The following MARCHF1 variants were observed in gnomAD, a reference collection of about 807,000 sequenced individuals.
MARCHF1 encodes the protein membrane associated ring-CH-type finger 1.
MARCHF1 carries 40 observed loss-of-function variants against 54.2 expected under a neutral mutation model. That is an observed-to-expected ratio of 0.74 (90% confidence interval 0.57 to 0.96). MARCHF1 has a LOEUF of 0.96. Ranked by LOEUF, MARCHF1 falls within the 40% of genes least tolerant of loss-of-function variation. The pLI is 0.00. For synonymous variants in MARCHF1, 236 were observed against 236.3 expected (o/e 1.00, Z 0.01); for missense variants, 586 against 656.5 (o/e 0.89, Z 1.17).
intron 1 of MARCHF1, among the ~76,000 whole-genome samples, chr4:164,150,876 A>G (rs547211413): frequency 6.6e-6 from 1 of 152,304 alleles, no homozygotes; most frequent in South Asian, 2.1e-4. Flanking sequence ...ATGGTTGTTA[A>G]TCAGCTGGTA....
At chr4:163,823,495 T>G (rs1748757660) in intron 4 of MARCHF1, among the ~76,000 whole-genome samples, 1 of 151,846 alleles carries the variant, frequency 6.6e-6, no homozygotes, top group Admixed American at 6.6e-5. Context: ...AGGTATGTAT[T>G]AGAATATTAG....
At chr4:163,912,928 C>A (rs1343900741) in intron 3 of MARCHF1, among the ~76,000 whole-genome samples, 1 of 152,140 alleles carries the variant, frequency 6.6e-6, no homozygotes, top group Non-Finnish European at 1.5e-5. Context: ...TCTTGTAAAG[C>A]AAGTTGCACA....
At chr4:164,000,064 C>T (rs1169125609) in intron 2 of MARCHF1, among the ~76,000 whole-genome samples, 1 of 151,550 alleles carries the variant, frequency 6.6e-6, no homozygotes, top group Non-Finnish European at 1.5e-5. Context: ...TGCTGCAAAG[C>T]CAAGCAGGCA....
At chr4:164,318,583 T>C (rs1292019263) in intron 1 of MARCHF1, among the ~76,000 whole-genome samples, 2 of 152,168 alleles carry the variant, frequency 1.3e-5, no homozygotes, top group African/African-American at 4.8e-5. Flanking sequence ...ACAGAAGCAA[T>C]TGCTTTGAGT....
intron 2 of MARCHF1, among the ~76,000 whole-genome samples, chr4:164,086,526 A>C (rs563622512): frequency 6.6e-6 from 1 of 152,112 alleles, no homozygotes; most frequent in Admixed American, 6.5e-5. Context: ...GAACATTATT[A>C]ACTGTGTATT....
chr4:163,776,255 A>G (rs1333953300), intron 4 of MARCHF1, among the ~76,000 whole-genome samples: 1 of 152,064 alleles, frequency 6.6e-6, no homozygotes, highest in Non-Finnish European at 1.5e-5. Flanking sequence ...TCAATTAGTT[A>G]CTAAGTTTCA....
At chr4:164,087,909 A>G (rs1457213770) in intron 2 of MARCHF1, among the ~76,000 whole-genome samples, 2 of 152,142 alleles carry the variant, frequency 1.3e-5, no homozygotes, top group African/African-American at 4.8e-5. Context: ...CATCACTTCA[A>G]TAATTTCAGA....
chr4:163,933,231 T>C, intron 3 of MARCHF1: 2 of 736,562 alleles, frequency 2.7e-6, no homozygotes. Context: ...AAGAATGTGA[T>C]GCAGCAGAAG....
In MARCHF1 at chr4:163,565,176, C is replaced by T. The variant is rs554364713; in HGVS notation, c.1192-19433G>A. Among the ~76,000 whole-genome samples the T allele has an allele frequency of 2.0e-4, 31 of 152,280 alleles. 1 individual carries two copies. The South Asian group carries it at 5.6e-3, about 27-fold the overall frequency. On this transcript the variant is annotated intron_variant, in intron 8 of 9. Coordinates refer to ENST00000514618, the MANE Select transcript of MARCHF1 (RefSeq NM_001394959.1). ...AAATATAACTGCCTGTAGTAAACAGCCCTGAATCTCCTGCGAATGCAGAGG... is the reference window on the plus strand; with the variant it reads ...AAATATAACTGCCTGTAGTAAACAGTCCTGAATCTCCTGCGAATGCAGAGG...
At chr4:163,769,145 A>G (rs1222900542) in intron 4 of MARCHF1, among the ~76,000 whole-genome samples, 1 of 152,156 alleles carries the variant, frequency 6.6e-6, no homozygotes, top group Non-Finnish European at 1.5e-5. Flanking sequence ...TGTTACCTAC[A>G]TATTACTATA....
chr4:164,346,604 G>GTATGTATA (rs1730107421), intron 1 of MARCHF1, among the ~76,000 whole-genome samples: 1 of 42,610 alleles, frequency 2.3e-5, no homozygotes, highest in Admixed American at 3.0e-4. Flanking sequence ...ATGTATGTAT[G>GTATGTATA]TATATATATA....
intron 5 of MARCHF1, among the ~76,000 whole-genome samples, chr4:163,656,389 A>G (rs969065610): frequency 6.6e-6 from 1 of 151,870 alleles, no homozygotes. Flanking sequence ...ACTAATAACA[A>G]GTTCTGAAAT....
intron 2 of MARCHF1, among the ~76,000 whole-genome samples, chr4:164,033,346 A>T (rs918870763): frequency 3.9e-5 from 6 of 152,188 alleles, no homozygotes; most frequent in African/African-American, 1.4e-4. Flanking sequence ...AGGCAATACC[A>T]TTCAAGACAT....
At chr4:164,109,197 C>T (rs1755776308) in intron 2 of MARCHF1, among the ~76,000 whole-genome samples, 1 of 151,976 alleles carries the variant, frequency 6.6e-6, no homozygotes, top group African/African-American at 2.4e-5. Flanking sequence ...AAAATAGTAA[C>T]TAATTTATGA....
chr4:164,171,583 G>A (rs1458519020), intron 1 of MARCHF1, among the ~76,000 whole-genome samples: 2 of 135,742 alleles, frequency 1.5e-5, no homozygotes, highest in Non-Finnish European at 3.4e-5. Context: ...GAAAAAAGTA[G>A]GAATACATTA....
chr4:163,702,602 T>G (rs922647252), intron 4 of MARCHF1, among the ~76,000 whole-genome samples: 2 of 152,164 alleles, frequency 1.3e-5, no homozygotes, highest in African/African-American at 4.8e-5. Context: ...GACTTTATGG[T>G]GTTTTGAGAT....
chr4:163,894,404 T>C (rs185040051), intron 3 of MARCHF1, among the ~76,000 whole-genome samples: 57 of 152,086 alleles, frequency 3.7e-4, no homozygotes, highest in African/African-American at 1.3e-3. Context: ...CAAAGCTATA[T>C]AGATTTGTAA....
intron 2 of MARCHF1, among the ~76,000 whole-genome samples, chr4:164,068,584 C>T (rs1209843718): frequency 1.3e-5 from 2 of 152,202 alleles, no homozygotes; most frequent in Non-Finnish European, 2.9e-5. Context: ...CCTTAGGTGC[C>T]TCCCTGCGGG....
chr4:163,674,389 G>A (rs1743839590), intron 5 of MARCHF1, among the ~76,000 whole-genome samples: 1 of 152,134 alleles, frequency 6.6e-6, no homozygotes, highest in Non-Finnish European at 1.5e-5. Flanking sequence ...GACAAGTGGA[G>A]CTGACCAAAC....
Sources: allele counts gnomAD v4.1 joint callset (sites outside exome capture counted in the v4.1 genomes callset), GRCh38; gene constraint gnomAD v4.1.1; transcripts MANE v1.5; gene names NCBI Gene and HGNC (gene_info 2026-07-23, HGNC 2026-07-21).